YES1: variants seen among roughly 807,000 people sequenced by gnomAD.
YES1 encodes YES proto-oncogene 1, Src family tyrosine kinase.
YES1 carries 39 observed loss-of-function variants against 70.4 expected under a neutral mutation model. The ratio of observed to expected loss-of-function variants is 0.55; its 90% CI spans 0.43 to 0.72. The LOEUF (loss-of-function observed/expected upper bound fraction) is 0.72. Ranked by LOEUF, YES1 falls within the 30% of genes least tolerant of loss-of-function variation. YES1 has a pLI of 0.00. For missense variants in YES1, 495 were observed against 644.8 expected, an observed-to-expected ratio of 0.77 and a Z score of 2.52; for synonymous variants, 198 against 218.6, an observed-to-expected ratio of 0.91 and a Z score of 0.83.
chr18:792,527 ATCTCTCTCTCTCTC>A (rs374164158), intron 1 of YES1, among the ~76,000 whole-genome samples: 2 of 115,288 alleles, frequency 1.7e-5, no homozygotes, highest in Non-Finnish European at 3.8e-5. Flanking sequence ...CTGAGACTCC[ATCTCTCTCTCTCTC>A]TCTCTCTCTC....
In YES1 at chr18:738,110, A is replaced by G. The variant is rs1279423995; in HGVS notation, c.1138-1149T>C. The G allele has an allele frequency of 5.3e-5, 8 of 152,174 alleles. No individual in the cohort carries two copies. In the South Asian group the frequency reaches 6.2e-4, roughly 12 times the overall value. The allele number at this position is 152,174 out of a possible 1,614,324, so 9.4% of individuals were successfully genotyped here. A position where few individuals can be genotyped will look rare whatever the true frequency, so the allele number is the denominator to read the frequency against. ...CCCTACCATAGAGTGTCTAACTCAG[A>G]AGCATGAACTGGCGTGGCATATGCC... On this transcript the variant is annotated intron_variant, in intron 9 of 11. Transcript: ENST00000314574.
intron 10 of YES1, 78 bp downstream of exon 10, chr18:736,730 C>T: frequency 6.6e-7 from 1 of 1,515,366 alleles, no homozygotes; most frequent in Middle Eastern, 2.5e-4. Context: ...AATTCTTATT[C>T]TGGAAAACCC....
chr18:794,861 G>A (rs1040111236), intron 1 of YES1, among the ~76,000 whole-genome samples: 3 of 152,196 alleles, frequency 2.0e-5, no homozygotes, highest in African/African-American at 7.2e-5. Flanking sequence ...CTGTCGCCCA[G>A]GCTGGAGAGC....
intron 8 of YES1, among the ~76,000 whole-genome samples, chr18:740,133 A>C (rs2080200610): frequency 2.6e-5 from 4 of 152,230 alleles, no homozygotes; most frequent in African/African-American, 9.6e-5. Flanking sequence ...TTTTTAAGTA[A>C]ATCTGAATCA....
At chr18:762,804 G>A (rs1476809305) in intron 1 of YES1, among the ~76,000 whole-genome samples, 1 of 152,070 alleles carries the variant, frequency 6.6e-6, no homozygotes, top group East Asian at 1.9e-4. Flanking sequence ...ACTGTAAAAG[G>A]AGCTGGGAGG....
intron 1 of YES1, among the ~76,000 whole-genome samples, chr18:801,534 T>C (rs116207186): frequency 1.9e-3 from 289 of 152,312 alleles, no homozygotes; most frequent in African/African-American, 6.7e-3. Context: ...TCTGAAATTT[T>C]AACTGAACCA....
intron 3 of YES1, among the ~76,000 whole-genome samples, chr18:751,335 C>CT (rs201559016): frequency 0.018 from 2,720 of 150,976 alleles, 82 homozygotes; most frequent in African/African-American, 0.062. Flanking sequence ...TCTCCCCCTC[C>CT]TTTTTTTTTA....
At chr18:765,459 C>T (rs1223479435) in intron 1 of YES1, among the ~76,000 whole-genome samples, 4 of 141,018 alleles carry the variant, frequency 2.8e-5, no homozygotes, top group African/African-American at 1.1e-4. Flanking sequence ...AGTGTAGTGG[C>T]GTGATCTTGG....
In YES1 at chr18:756,597, T is replaced by A. The variant is rs759936721; in HGVS notation, c.231A>T (p.Ser77=). 1.7e-5 allele frequency: 27 copies of A among 1,613,996 alleles called. No homozygotes were observed. Among genetic ancestry groups the A allele is most frequent in the Non-Finnish European group, 3.4e-6 (4 of 1,180,026 alleles). ...GVTPFGGASS[S]FSVVPSSYPA... ...GATATGAACTTGGCACCACTGAAAATGAGGAAGATGCACCTCCAAAAGGCG... is the reference window on the plus strand; with the variant it reads ...GATATGAACTTGGCACCACTGAAAAAGAGGAAGATGCACCTCCAAAAGGCG... Residue 77 remains serine (S), a synonymous_variant, in exon 2 of 12, where the codon TCA becomes TCT. Coordinates refer to ENST00000314574, the MANE Select transcript of YES1 (RefSeq NM_005433.4).
chr18:767,666 T>C (rs1904974311), intron 1 of YES1, among the ~76,000 whole-genome samples: 1 of 152,134 alleles, frequency 6.6e-6, no homozygotes, highest in African/African-American at 2.4e-5. Context: ...CTTTACTGTG[T>C]CTTGAAATTA....
intron 3 of YES1, among the ~76,000 whole-genome samples, chr18:751,065 C>T (rs1471918512): frequency 6.6e-6 from 1 of 151,968 alleles, no homozygotes; most frequent in Non-Finnish European, 1.5e-5. Context: ...AGGATATGAC[C>T]ATATTTTATG....
intron 10 of YES1, among the ~76,000 whole-genome samples, chr18:733,627 C>T (rs561348611): frequency 2.0e-5 from 3 of 151,630 alleles, no homozygotes; most frequent in South Asian, 4.2e-4. Flanking sequence ...ACCAAAAATA[C>T]AAAAAATTAG....
intron 1 of YES1, among the ~76,000 whole-genome samples, chr18:786,496 T>TACCCAC (rs377467123): frequency 2.7e-4 from 38 of 139,534 alleles, no homozygotes; most frequent in South Asian, 1.3e-3. Context: ...AATAAGTCCA[T>TACCCAC]ACACACACAC....
At chr18:787,387 C>T (rs1251253911) in intron 1 of YES1, among the ~76,000 whole-genome samples, 1 of 151,480 alleles carries the variant, frequency 6.6e-6, no homozygotes, top group African/African-American at 2.4e-5. Context: ...CATGAGCCAC[C>T]GCGCCCAGCT....
At chr18:776,493 T>C (rs2145788868) in intron 1 of YES1, among the ~76,000 whole-genome samples, 1 of 152,338 alleles carries the variant, frequency 6.6e-6, no homozygotes, top group East Asian at 1.9e-4. Context: ...GAAAGGTCTG[T>C]TCAAGACACT....
chr18:751,400 A>G (rs1249298488), intron 3 of YES1, among the ~76,000 whole-genome samples: 1 of 152,080 alleles, frequency 6.6e-6, no homozygotes, highest in Non-Finnish European at 1.5e-5. Flanking sequence ...TAGGAGCATC[A>G]AACTCTCTTT....
chr18:797,993 G>C (rs1048594972), intron 1 of YES1: 2 of 152,034 alleles, frequency 1.3e-5, no homozygotes, highest in Non-Finnish European at 1.5e-5. Context: ...AAATGACAGG[G>C]GAAAGCACGA....
intron 1 of YES1, among the ~76,000 whole-genome samples, chr18:778,042 A>C (rs1435161958): frequency 6.6e-6 from 1 of 152,156 alleles, no homozygotes; most frequent in Non-Finnish European, 1.5e-5. Flanking sequence ...TATGTCTTCA[A>C]AGCTCTTTGT....
chr18:728,582 A>G (rs1272950232), intron 11 of YES1, among the ~76,000 whole-genome samples: 1 of 152,102 alleles, frequency 6.6e-6, no homozygotes, highest in Non-Finnish European at 1.5e-5. Context: ...GCTGGAGTGC[A>G]GTAGTGCAAT....
Sources: allele counts gnomAD v4.1 joint callset (sites outside exome capture counted in the v4.1 genomes callset), GRCh38; gene constraint gnomAD v4.1.1; transcripts MANE v1.5; gene names NCBI Gene and HGNC (gene_info 2026-07-23, HGNC 2026-07-21).